The following VRK2 variants were observed in gnomAD, a reference collection of about 807,000 sequenced individuals.
VRK2 encodes the protein serine/threonine-protein kinase VRK2.
In VRK2, 60 loss-of-function variants were observed where a neutral mutation model predicts 57.6. The observed-to-expected ratio is 1.04, with a 90% CI of 0.85 to 1.29. The LOEUF is 1.29. Ranked by LOEUF, VRK2 falls within the 50% of genes most tolerant of loss-of-function variation. VRK2 has a pLI of 0.00. For synonymous variants in VRK2, 231 were observed against 199.2 expected (o/e 1.16, Z -1.35); for missense variants, 705 against 588.1 (o/e 1.20, Z -2.06).
intron 1 of VRK2, chr2:58,047,235 C>T: frequency 3.6e-6 from 1 of 278,030 alleles, no homozygotes; most frequent in Non-Finnish European, 5.5e-6. Context: ...ACGGACCAGG[C>T]GGCTGGGCCG....
chr2:57,991,026 A>G (rs1183206760), intron 1 of VRK2, among the ~76,000 whole-genome samples: 2 of 152,184 alleles, frequency 1.3e-5, no homozygotes, highest in African/African-American at 4.8e-5. Flanking sequence ...TCCAAAATTC[A>G]CTTCCTGAAA....
At chr2:57,922,540 C>T (rs1240125739) in intron 1 of VRK2, among the ~76,000 whole-genome samples, 1 of 151,112 alleles carries the variant, frequency 6.6e-6, no homozygotes, top group Non-Finnish European at 1.5e-5. Flanking sequence ...TTTGAATATC[C>T]TCATCATGCT....
At chr2:58,003,392 A>C (rs544476214) in intron 1 of VRK2, among the ~76,000 whole-genome samples, 1 of 152,126 alleles carries the variant, frequency 6.6e-6, no homozygotes, top group South Asian at 2.1e-4. Flanking sequence ...ACCTGGCTTT[A>C]GCACCACCGG....
At chr2:58,113,913 T>C (rs915346194) in intron 7 of VRK2, among the ~76,000 whole-genome samples, 3 of 152,026 alleles carry the variant, frequency 2.0e-5, no homozygotes, top group African/African-American at 7.3e-5. Context: ...TGTTGAAGTG[T>C]TGGGGCGGCG....
chr2:58,059,901 C>T (rs573891428), intron 2 of VRK2, among the ~76,000 whole-genome samples: 1 of 151,742 alleles, frequency 6.6e-6, no homozygotes, highest in Non-Finnish European at 1.5e-5. Context: ...TGTTCTTGAG[C>T]AGTTACAGGG....
At chr2:58,055,842 A>C (rs1676434815) in intron 2 of VRK2, among the ~76,000 whole-genome samples, 1 of 152,172 alleles carries the variant, frequency 6.6e-6, no homozygotes, top group South Asian at 2.1e-4. Context: ...CCAAAGGAAA[A>C]AGTTTAGTCC....
chr2:58,073,953 C>T (rs1669713570), intron 2 of VRK2, among the ~76,000 whole-genome samples: 1 of 151,966 alleles, frequency 6.6e-6, no homozygotes, highest in South Asian at 2.1e-4. Flanking sequence ...AAGGGTGGAC[C>T]TGCCTTTCCC....
At chr2:57,939,488 G>A (rs972003855) in intron 1 of VRK2, among the ~76,000 whole-genome samples, 1 of 151,918 alleles carries the variant, frequency 6.6e-6, no homozygotes, top group African/African-American at 2.4e-5. Flanking sequence ...TTGTATGAAA[G>A]GTATATACAG....
At chr2:58,015,104 C>T (rs1673536350) in intron 1 of VRK2, among the ~76,000 whole-genome samples, 2 of 152,090 alleles carry the variant, frequency 1.3e-5, no homozygotes, top group South Asian at 2.1e-4. Context: ...CTGGTAGTGG[C>T]TATATTCAAA....
chr2:58,041,923 CT>C (rs1558555713), upstream of VRK2, among the ~76,000 whole-genome samples: 1 of 152,048 alleles, frequency 6.6e-6, no homozygotes, highest in African/African-American at 2.4e-5. Flanking sequence ...TCCTACCCCC[CT>C]TTCAAGCTGT....
At chr2:58,122,958 T>C (rs1390468740) in intron 7 of VRK2, 143 bp from the exon 8 acceptor site, 1 of 985,414 alleles carries the variant, frequency 1.0e-6, no homozygotes, top group Non-Finnish European at 1.4e-6. Flanking sequence ...CAGTTGTACA[T>C]ATTTTATCCT....
chr2:58,011,258 G>A (rs925755869), intron 1 of VRK2, among the ~76,000 whole-genome samples: 36 of 152,314 alleles, frequency 2.4e-4, no homozygotes, highest in African/African-American at 8.7e-4. Context: ...ATATTGGTTA[G>A]ACAGAGATGA....
rs185621852 is a variant in VRK2, at chr2:58,113,539, G to A, written c.544-9562G>A. 5.4e-3 allele frequency among the ~76,000 whole-genome samples: 825 copies of A among 152,246 alleles called. 3 individuals are homozygous for A. The highest frequency in any genetic ancestry group is 8.6e-3 in the Non-Finnish European group (586 of 68,024). The stretch of plus-strand genomic sequence containing the variant: ...GGCTGAGTCCAAAAAGAGAGTCAGC[G>A]AAGGGAGATAGGGGTGGGACCGTTT... On this transcript the variant is annotated intron_variant, in intron 7 of 12. Transcript: ENST00000340157.
rs183607971 is a variant in VRK2, at chr2:58,063,458, A to G, written c.136+14491A>G. On this transcript the variant is annotated intron_variant, in intron 2 of 12. Transcript: ENST00000340157. ...CCCTGAATACCCTGACTTGGTCACT[A>G]TGGTTGTATGCATGTAACAGATTTT... Among the ~76,000 whole-genome samples, 9 of 152,076 alleles carry G rather than the reference A, an allele frequency of 5.9e-5. No individual in the cohort carries two copies. In the East Asian group the frequency reaches 1.4e-3, roughly 23 times the overall value.
chr2:58,000,145 C>T (rs1673048150), intron 1 of VRK2, among the ~76,000 whole-genome samples: 1 of 152,122 alleles, frequency 6.6e-6, no homozygotes, highest in Admixed American at 6.5e-5. Context: ...TATTGAGCTC[C>T]CTGCTCTTAA....
chr2:58,056,350 A>G (rs1676517069), intron 2 of VRK2, among the ~76,000 whole-genome samples: 1 of 152,216 alleles, frequency 6.6e-6, no homozygotes, highest in Non-Finnish European at 1.5e-5. Flanking sequence ...AAGCTGGTGC[A>G]TTGTAACTGC....
intron 1 of VRK2, among the ~76,000 whole-genome samples, chr2:57,911,833 T>C (rs1669995159): frequency 6.6e-6 from 1 of 152,190 alleles, no homozygotes; most frequent in South Asian, 2.1e-4. Flanking sequence ...ATGTTACTGT[T>C]GTACTTTTTA....
intron 1 of VRK2, among the ~76,000 whole-genome samples, chr2:57,980,034 C>T (rs1219629292): frequency 2.6e-5 from 4 of 152,124 alleles, no homozygotes; most frequent in African/African-American, 7.2e-5. Context: ...ATCTCAACTT[C>T]GTTCAGTTCA....
intron 2 of VRK2, among the ~76,000 whole-genome samples, chr2:58,062,159 A>G (rs1263161342): frequency 1.3e-5 from 2 of 151,902 alleles, no homozygotes; most frequent in Non-Finnish European, 2.9e-5. Context: ...TGTTACGGTG[A>G]TCTGTGATCA....
Sources: allele counts gnomAD v4.1 joint callset (sites outside exome capture counted in the v4.1 genomes callset), GRCh38; gene constraint gnomAD v4.1.1; transcripts MANE v1.5; gene names NCBI Gene and HGNC (gene_info 2026-07-23, HGNC 2026-07-21).